The following RIPPLY3 variants were observed in gnomAD, a reference collection of about 807,000 sequenced individuals.
RIPPLY3 encodes ripply transcriptional repressor 3, also known as protein ripply3.
A neutral mutation model predicts 11.9 loss-of-function variants in RIPPLY3; 8 were observed. The observed-to-expected ratio is 0.67, with a 90% CI of 0.40 to 1.21. The LOEUF is 1.21. RIPPLY3 is among the 50% of genes most tolerant of loss of function. The probability of loss-of-function intolerance (pLI) is 0.01; values close to 1 mark genes in which losing one functional copy is unlikely to be tolerated. For synonymous variants in RIPPLY3, 102 were observed against 99.0 expected, an observed-to-expected ratio of 1.03 and a Z score of -0.18; for missense variants, 271 against 246.0, an observed-to-expected ratio of 1.10 and a Z score of -0.68.
At chr21:37,008,107 GGCA>G (rs1443663947) in intron 1 of RIPPLY3, 47 bp from the exon 2 acceptor site, 6 of 1,591,182 alleles carry the variant, frequency 3.8e-6, no homozygotes, top group Non-Finnish European at 5.2e-6. Flanking sequence ...ATAGTTTGAA[GGCA>G]GCAGAAGTGC....
chr21:37,014,010 C>T (rs1050750042), intron 3 of RIPPLY3, among the ~76,000 whole-genome samples: 2 of 152,124 alleles, frequency 1.3e-5, no homozygotes, highest in African/African-American at 2.4e-5. Flanking sequence ...AGTGCAAAGT[C>T]GACCTTCAAA....
intron 2 of RIPPLY3, among the ~76,000 whole-genome samples, chr21:37,012,569 G>A: frequency 6.6e-6 from 1 of 151,964 alleles, no homozygotes; most frequent in Non-Finnish European, 1.5e-5. Context: ...TCATCCAGAA[G>A]CTCTTTACCA....
In RIPPLY3 at chr21:37,006,945, C is replaced by G. The variant is rs926581254; in HGVS notation, c.104+69C>G. On this transcript the variant is annotated intron_variant, in intron 1 of 3. Coordinates refer to ENST00000329553, the MANE Select transcript of RIPPLY3 (RefSeq NM_018962.3). The surrounding 1 kb of genome is among the most constrained non-coding windows in gnomAD (Gnocchi z 5.2). ...CGCGGTGGCGGTGCGGGGAGCGCAG[C>G]GAGCGGGAGGCTGGGGCGCTGCTGA... 3.0e-4 allele frequency: 283 copies of G among 945,984 alleles called. No homozygotes were observed. Among genetic ancestry groups the G allele is most frequent in the Non-Finnish European group, 3.7e-4 (273 of 733,800 alleles). The allele number at this position is 945,984 out of a possible 1,614,324, so 58.6% of individuals were successfully genotyped here.
At chr21:37,009,049 A>G (rs902250581) in intron 2 of RIPPLY3, among the ~76,000 whole-genome samples, 1 of 151,992 alleles carries the variant, frequency 6.6e-6, no homozygotes, top group Non-Finnish European at 1.5e-5. Flanking sequence ...GGGGTATCTC[A>G]TGTTGTCTGA....
rs2069470305 is a variant in RIPPLY3, at chr21:37,006,907, G to A, written c.104+31G>A. On this transcript the variant is annotated intron_variant, in intron 1 of 3. Transcript: ENST00000329553. This position sits in a 1 kb window ranked among gnomAD's most constrained non-coding sequence, Gnocchi z 5.2. ...GGTGGCCCCGCGCCCCGGTGGACGC[G>A]CTGAGAGGCGTGCGCGGTGGCGGTG... The A allele has an allele frequency of 3.5e-6, 4 of 1,153,838 alleles. No individual in the cohort carries two copies. The South Asian group carries it at 1.7e-4, about 50-fold the overall frequency. 71.5% of individuals were successfully genotyped at this position (1,153,838 alleles called of 1,614,324 possible).
In RIPPLY3 at chr21:37,010,537, C is replaced by T. The variant is rs573783686; in HGVS notation, c.171+2314C>T. On this transcript the variant is annotated intron_variant, in intron 2 of 3. Transcript: ENST00000329553. ...AAAAAACCCTCAAGCAGAGGGAAGGCCTCAAGGCCCTGTACTCTGAGCAGC... is the reference window on the plus strand; with the variant it reads ...AAAAAACCCTCAAGCAGAGGGAAGGTCTCAAGGCCCTGTACTCTGAGCAGC... 2.6e-5 allele frequency among the ~76,000 whole-genome samples: 4 copies of T among 152,270 alleles called. No individual in the cohort carries two copies. The East Asian group carries it at 5.8e-4, about 22-fold the overall frequency.
intron 2 of RIPPLY3, among the ~76,000 whole-genome samples, chr21:37,011,999 C>T (rs1359980963): frequency 2.7e-5 from 4 of 148,114 alleles, no homozygotes; most frequent in East Asian, 2.0e-4. Flanking sequence ...TCCTTACAGG[C>T]GAATTTGCTC....
Sources: gnomAD v4.1 joint callset for allele counts (sites outside exome capture counted in the v4.1 genomes callset) on GRCh38, gnomAD v4.1.1 for gene constraint, Gnocchi (gnomAD v3.1) non-coding constraint, MANE v1.5 for transcripts, NCBI Gene and HGNC (gene_info 2026-07-23, HGNC 2026-07-21) for gene names.